The following ARK2N variants were observed in gnomAD, a reference collection of about 807,000 sequenced individuals.
The protein encoded by ARK2N is protein ARK2N.
At chr18:46,261,756 G>T in the ARK2N span, among the ~76,000 whole-genome samples, 1 of 152,206 alleles carries the variant, frequency 6.6e-6, no homozygotes, top group East Asian at 1.9e-4. Flanking sequence ...CTCTGGCCCT[G>T]AGAGATCTGT....
the ARK2N span, chr18:46,215,938 C>T: frequency 7.4e-6 from 12 of 1,613,930 alleles, no homozygotes; most frequent in Non-Finnish European, 9.3e-6. Context: ...CGAAGCCCCA[C>T]CAAAAGCATC....
the ARK2N span, chr18:46,215,827 A>C: frequency 4.7e-5 from 72 of 1,522,472 alleles, no homozygotes; most frequent in Non-Finnish European, 6.1e-5. Flanking sequence ...TTCCTGTTGC[A>C]TCTTTGATAT....
chr18:46,201,797 A>C, the ARK2N span, among the ~76,000 whole-genome samples: 13 of 144,148 alleles, frequency 9.0e-5, no homozygotes, highest in African/African-American at 3.1e-4. Context: ...TTTTTTTTTA[A>C]GACCGAGTCT....
At chr18:46,213,445 C>T in the ARK2N span, among the ~76,000 whole-genome samples, 71 of 152,166 alleles carry the variant, frequency 4.7e-4, 1 homozygote, top group South Asian at 0.014. Flanking sequence ...ATTCCTCATA[C>T]CTGGGGGTAT....
the ARK2N span, among the ~76,000 whole-genome samples, chr18:46,258,445 G>A: frequency 6.6e-6 from 1 of 152,154 alleles, no homozygotes; most frequent in African/African-American, 2.4e-5. Flanking sequence ...GTCAGAGCCT[G>A]CTGTGTGTGC....
At chr18:46,263,658 CTTTTA>C in the ARK2N span, 5 of 152,850 alleles carry the variant, frequency 3.3e-5, no homozygotes, top group Non-Finnish European at 5.9e-5. Context: ...ATTATATTTT[CTTTTA>C]TTTTAAGTCT....
At chr18:46,213,265 G>A in the ARK2N span, among the ~76,000 whole-genome samples, 2 of 151,980 alleles carry the variant, frequency 1.3e-5, no homozygotes, top group Non-Finnish European at 2.9e-5. Flanking sequence ...CTCCCAAAGT[G>A]CTGGGAATAC....
chr18:46,254,189 A>C, the ARK2N span, among the ~76,000 whole-genome samples: 1 of 152,206 alleles, frequency 6.6e-6, no homozygotes, highest in African/African-American at 2.4e-5. Context: ...CTGGAAATAT[A>C]CTAGGAGCAA....
the ARK2N span, among the ~76,000 whole-genome samples, chr18:46,242,165 C>G: frequency 1.3e-5 from 2 of 152,106 alleles, no homozygotes; most frequent in African/African-American, 4.8e-5. Context: ...GCAATTAAGT[C>G]ATCCATTCCA....
chr18:46,259,234 T>G, the ARK2N span, among the ~76,000 whole-genome samples: 1,860 of 150,766 alleles, frequency 0.012, 51 homozygotes, highest in African/African-American at 0.043. Context: ...CTCTGAGCTT[T>G]CTTTCTTTCT....
the ARK2N span, among the ~76,000 whole-genome samples, chr18:46,188,569 C>G: frequency 6.6e-6 from 1 of 152,116 alleles, no homozygotes; most frequent in African/African-American, 2.4e-5. Flanking sequence ...TGGTCTCGAA[C>G]TCCTGAGCTC....
chr18:46,259,901 G>GTGTGTGTGTGTGTGTGTGTGTGTGTT, the ARK2N span, among the ~76,000 whole-genome samples: 1 of 140,928 alleles, frequency 7.1e-6, no homozygotes, highest in Non-Finnish European at 1.6e-5. Flanking sequence ...GTGTGTGTGC[G>GTGTGTGTGTGTGTGTGTGTGTGTGTT]ACAGAGATGG....
chr18:46,225,484 A>G, the ARK2N span, among the ~76,000 whole-genome samples: 1 of 152,268 alleles, frequency 6.6e-6, no homozygotes, highest in Non-Finnish European at 1.5e-5. Flanking sequence ...TTTGAGACGA[A>G]GTCTCGCTTT....
the ARK2N span, among the ~76,000 whole-genome samples, chr18:46,206,679 C>T: frequency 6.6e-6 from 1 of 152,160 alleles, no homozygotes; most frequent in South Asian, 2.1e-4. Context: ...TTTCCCCCTG[C>T]TATCAAACAT....
At chr18:46,213,837 C>T in the ARK2N span, among the ~76,000 whole-genome samples, 2 of 152,136 alleles carry the variant, frequency 1.3e-5, no homozygotes, top group African/African-American at 4.8e-5. Context: ...GCTGGGACTA[C>T]AGGCGCTCGC....
At chr18:46,238,424 T>G in the ARK2N span, among the ~76,000 whole-genome samples, 1 of 152,184 alleles carries the variant, frequency 6.6e-6, no homozygotes, top group Non-Finnish European at 1.5e-5. Flanking sequence ...AGAACGCCAT[T>G]GAATATTGCA....
At chr18:46,209,010 A>G in the ARK2N span, among the ~76,000 whole-genome samples, 1 of 152,336 alleles carries the variant, frequency 6.6e-6, no homozygotes, top group Non-Finnish European at 1.5e-5. Flanking sequence ...GTACAAAATG[A>G]AAATGACTGT....
the ARK2N span, among the ~76,000 whole-genome samples, chr18:46,183,142 A>G: frequency 6.6e-6 from 1 of 152,074 alleles, no homozygotes; most frequent in East Asian, 1.9e-4. Context: ...TTTCCCTCTT[A>G]TCTCATAAAT....
At chr18:46,248,448 C>T in the ARK2N span, among the ~76,000 whole-genome samples, 1 of 152,108 alleles carries the variant, frequency 6.6e-6, no homozygotes, top group Non-Finnish European at 1.5e-5. Context: ...ATCCCAGGTG[C>T]TTATATTTTG....
Sources: allele counts gnomAD v4.1 joint callset (sites outside exome capture counted in the v4.1 genomes callset), GRCh38; gene constraint gnomAD v4.1.1; transcripts MANE v1.5; gene names NCBI Gene and HGNC (gene_info 2026-07-23, HGNC 2026-07-21).